The following FBN3 variants were observed in gnomAD, a reference collection of about 807,000 sequenced individuals.
FBN3 encodes fibrillin 3.
Under a neutral mutation model 330.1 loss-of-function variants are expected in FBN3, and 234 were observed. The observed-to-expected ratio is 0.71, with a 90% CI of 0.64 to 0.79. The LOEUF is 0.79. Among genes scored for constraint, FBN3 ranks in the 30% least tolerant of loss-of-function variants. FBN3 has a pLI of 0.00. For missense variants in FBN3, 3,606 were observed against 3,886.9 expected, an observed-to-expected ratio of 0.93 and a Z score of 1.92; for synonymous variants, 1,458 against 1,517.3, an observed-to-expected ratio of 0.96 and a Z score of 0.91.
Position 8,145,598 on chromosome 19 carries a change from G to A in FBN3, c.445+245C>T, listed in dbSNP as rs144222551. ...CGGGAGGCTGAGGCAGGAGAATGGC[G>A]TGAACCTGGGAGGCGGAGCTTGCAG... On this transcript the variant is annotated intron_variant, in intron 5 of 63. Coordinates refer to ENST00000600128, the MANE Select transcript of FBN3 (RefSeq NM_032447.5). 7.2e-3 allele frequency among the ~76,000 whole-genome samples: 1,043 copies of A among 145,236 alleles called. 8 individuals are homozygous for A. Among genetic ancestry groups the A allele is most frequent in the African/African-American group, 0.025 (993 of 39,204 alleles).
At position 8,126,762 on chromosome 19, in the gene FBN3, G is replaced by A. The variant is rs752833716; in HGVS notation, c.2367C>T (p.Cys789=). The A allele has an allele frequency of 1.3e-6, 2 of 1,593,506 alleles. No homozygotes were observed. Among genetic ancestry groups the A allele is most frequent in the Admixed American group, 1.8e-5 (1 of 55,542 alleles). The change falls in exon 19 of 64, where the codon TGC becomes TGT. Residue 789 remains cysteine, a synonymous_variant. Transcript: ENST00000600128. ...CCAGCCGGCTGCCAGGGCCACATTT[G>A]CAGGTGTAGGAGCCGGCCAGGTTCC... ...VCRNLAGSYT[C]KCGPGSRLDP...
At position 8,111,633 on chromosome 19, in the gene FBN3, C is replaced by T. The variant is rs1233131812; in HGVS notation, c.4084+15G>A. ...TCCCTCTAGGGCCCCTGCCCTCCCA[C>T]CCCTCTAATCTCACCTTCGCAGAAG... On this transcript the variant is annotated intron_variant, in intron 32 of 63. Coordinates refer to ENST00000600128, the MANE Select transcript of FBN3 (RefSeq NM_032447.5). The T allele has an allele frequency of 6.4e-7, 1 of 1,571,560 alleles. No individual in the cohort carries two copies. The highest frequency in any genetic ancestry group is 1.8e-5 in the Admixed American group (1 of 56,512).
rs750729303 is a variant in FBN3 at position 8,147,232 on chromosome 19, A to T, written c.168-46T>A. On this transcript the variant is annotated intron_variant, in intron 2 of 63. Transcript: ENST00000600128. ...GTCTGGTGAGCCCCTGCCCGTGTGG[A>T]CATCCCCCCGGGTATTCCGCTGGCC... The T allele has an allele frequency of 9.0e-6, 14 of 1,557,714 alleles. No homozygotes were observed. In the East Asian group the frequency reaches 2.4e-4, roughly 27 times the overall value.
At chr19:8,072,282 G>A (rs964067249) in intron 62 of FBN3, 84 bp from the exon 63 acceptor site, 5 of 1,381,620 alleles carry the variant, frequency 3.6e-6, no homozygotes, top group East Asian at 4.8e-5. Context: ...CCCATACTCC[G>A]TTCTGAGTCA....
In FBN3 at chr19:8,087,836, G is replaced by T; in HGVS notation, c.6608C>A (p.Ala2203Asp). ...PAGYTLREDG[A>D]MCRDVDECAD... ...TTAGTCAGGCCTACCTCGACACATG[G>T]CCCCATCCTCCCGCAGGGTGTAGCC... Residue 2203 changes from alanine (A) to aspartate (D), a missense_variant, in exon 53 of 64, where the codon GCC becomes GAC. Physicochemically the swap from Ala to Asp is moderately radical, Grantham distance 126. Transcript: ENST00000600128. 1 of 1,613,842 alleles carries T rather than the reference G, an allele frequency of 6.2e-7. No homozygotes were observed. Among genetic ancestry groups the T allele is most frequent in the African/African-American group, 1.3e-5 (1 of 74,984 alleles).
Position 8,071,604 on chromosome 19 carries a change from C to T in FBN3, c.8088+444G>A, listed in dbSNP as rs765744546. On this transcript the variant is annotated intron_variant, in intron 63 of 63. Coordinates refer to ENST00000600128, the MANE Select transcript of FBN3 (RefSeq NM_032447.5). ...GGGCAGAGCTGTGGTACAAAGGCCA[C>T]TTAGGGCCCCATTGGAACTAAATCC... 9.4e-4 allele frequency among the ~76,000 whole-genome samples: 141 copies of T among 150,636 alleles called. 1 individual carries two copies. In the Middle Eastern group the frequency reaches 0.01, roughly 11 times the overall value.
At chr19:8,135,936 G>GTC in intron 13 of FBN3, 25 bp downstream of exon 13, 77 of 668,756 alleles carry the variant, frequency 1.2e-4, no homozygotes, top group South Asian at 3.4e-4. Flanking sequence ...GGAAGCCCCT[G>GTC]CCCACCCGCC....
chr19:8,148,090 G>A (rs1372909762), intron 1 of FBN3, among the ~76,000 whole-genome samples: 1 of 152,054 alleles, frequency 6.6e-6, no homozygotes, highest in Admixed American at 6.6e-5. Context: ...GTAGGAGGAA[G>A]ATGGTAAGTC....
chr19:8,137,893 A>G (rs1024576779), intron 10 of FBN3, among the ~76,000 whole-genome samples: 3 of 152,030 alleles, frequency 2.0e-5, no homozygotes, highest in Non-Finnish European at 4.4e-5. Context: ...CTCCCAAAGT[A>G]CTGGGATTAT....
chr19:8,065,880 C>A lies in FBN3; in HGVS notation c.*39G>T. 1 of 1,464,380 alleles carries A rather than the reference C, an allele frequency of 6.8e-7. No individual in the cohort carries two copies. The highest frequency in any genetic ancestry group is 9.2e-7 in the Non-Finnish European group (1 of 1,083,486). The allele number at this position is 1,464,380 out of a possible 1,614,324, so 90.7% of individuals were successfully genotyped here. ...AGTCCTTCCCAGTTCCAGAATCCCC[C>A]TTCTCTGGACAGCTGGGGCCCACTG... On this transcript the variant is annotated 3_prime_UTR_variant, in exon 64 of 64. Coordinates refer to ENST00000600128, the MANE Select transcript of FBN3 (RefSeq NM_032447.5).
At position 8,096,637 on chromosome 19, in the gene FBN3, G is replaced by A. The variant is rs937590363; in HGVS notation, c.5414-68C>T. ...AGTGTTTGCCTGAGCTCTCCCTACT[G>A]CAATGGGGAAGCCAGAATCTGCCTT... On this transcript the variant is annotated intron_variant, in intron 43 of 63. Transcript: ENST00000600128. The surrounding 1 kb of genome is among the most constrained non-coding windows in gnomAD (Gnocchi z 4.6). 2.0e-6 allele frequency: 3 copies of A among 1,528,768 alleles called. No homozygotes were observed. The highest frequency in any genetic ancestry group is 1.4e-5 in the African/African-American group (1 of 72,992). 94.7% of individuals were successfully genotyped at this position (1,528,768 alleles called of 1,614,324 possible). A position where few individuals can be genotyped will look rare whatever the true frequency, so the allele number is the denominator to read the frequency against.
At chr19:8,141,620 A>C (rs2083416848) in intron 8 of FBN3, 97 bp downstream of exon 8, 16 of 1,413,604 alleles carry the variant, frequency 1.1e-5, no homozygotes, top group Non-Finnish European at 1.5e-5. Context: ...TGGGCACCTC[A>C]CCAGCCTGAC....
intron 59 of FBN3, among the ~76,000 whole-genome samples, chr19:8,076,241 C>CGTGT (rs957326240): frequency 7.2e-5 from 5 of 69,222 alleles, no homozygotes; most frequent in African/African-American, 1.9e-4. Context: ...ATGGGTTGTC[C>CGTGT]GTGTGCGTGT....
At position 8,136,081 on chromosome 19, in the gene FBN3, C is replaced by T; in HGVS notation, c.1471G>A (p.Asp491Asn). ...AGGCCACCACTGACAATGCACTCGT[C>T]CACATCTGCGGGGAAGGCAGGCGGG... ...TPTRQACVDV[D>N]ECIVSGGLCH... The change falls in exon 13 of 64, where the codon GAC becomes AAC. Residue 491 changes from aspartate (D) to asparagine (N), a missense_variant. Asp to Asn is a conservative substitution (Grantham distance 23). Transcript: ENST00000600128. 6.2e-7 allele frequency: 1 copy of T among 1,614,028 alleles called. No homozygotes were observed. Among genetic ancestry groups the T allele is most frequent in the Non-Finnish European group, 8.5e-7 (1 of 1,179,948 alleles).
At chr19:8,083,959 C>G (rs545683531) in intron 56 of FBN3, among the ~76,000 whole-genome samples, 1 of 152,102 alleles carries the variant, frequency 6.6e-6, no homozygotes, top group East Asian at 1.9e-4. Flanking sequence ...CCTGCCACCA[C>G]GCCCGGCTAA....
intron 50 of FBN3, 97 bp downstream of exon 50, chr19:8,089,797 G>A: frequency 1.3e-6 from 2 of 1,535,696 alleles, no homozygotes; most frequent in South Asian, 2.5e-5. Flanking sequence ...GGCCACCCAG[G>A]CTCTCAGGGG....
intron 39 of FBN3, 30 bp from the exon 40 acceptor site, chr19:8,102,903 G>A (rs1200399174): frequency 6.2e-7 from 1 of 1,611,272 alleles, no homozygotes; most frequent in African/African-American, 1.3e-5. Context: ...GAAGAATGTG[G>A]GTAAGGGTCA....
Position 8,123,862 on chromosome 19 carries a change from G to T in FBN3, c.2878C>A (p.Leu960Met). 2 of 1,613,042 alleles carry T rather than the reference G, an allele frequency of 1.2e-6. No individual in the cohort carries two copies. The highest frequency in any genetic ancestry group is 1.7e-6 in the Non-Finnish European group (2 of 1,179,954). ...CGCGGGCACAGGCTGGCGAACTCCA[G>T]AGACTCGGGATCCGGGCAGGCCTCG... ...ECEACPDPES[L>M]EFASLCPRGL... Residue 960 changes from leucine to methionine, a missense_variant, in exon 23 of 64, where the codon CTG becomes ATG. By Grantham distance (15) the Leu-to-Met change is conservative (BLOSUM62 2). Coordinates refer to ENST00000600128, the MANE Select transcript of FBN3 (RefSeq NM_032447.5).
intron 59 of FBN3, among the ~76,000 whole-genome samples, chr19:8,078,777 T>TTCTC (rs34147155): frequency 3.4e-3 from 492 of 144,246 alleles, no homozygotes; most frequent in African/African-American, 0.011. Flanking sequence ...TGTTCAAATG[T>TTCTC]TCTCTCTCTC....
Sources: gnomAD v4.1 joint callset for allele counts (sites outside exome capture counted in the v4.1 genomes callset) on GRCh38, gnomAD v4.1.1 for gene constraint, Gnocchi (gnomAD v3.1) non-coding constraint, MANE v1.5 for transcripts, NCBI Gene and HGNC (gene_info 2026-07-23, HGNC 2026-07-21) for gene names.